The following OPA1 variants were observed in gnomAD, a reference collection of about 807,000 sequenced individuals.
OPA1 encodes the protein OPA1 mitochondrial dynamin like GTPase, also known as dynamin-like GTPase OPA1, mitochondrial.
OPA1 carries 59 observed loss-of-function variants against 152.9 expected under a neutral mutation model. That is an observed-to-expected ratio of 0.39 (90% CI 0.31 to 0.48). The LOEUF is 0.48. OPA1 is among the 20% of genes least tolerant of loss of function. The pLI is 0.96. For synonymous variants in OPA1, 400 were observed against 389.9 expected, an observed-to-expected ratio of 1.03 and a Z score of -0.31; for missense variants, 1,008 against 1,216.8, an observed-to-expected ratio of 0.83 and a Z score of 2.55.
chr3:193,606,766 C>A (rs1055943847), intron 1 of OPA1, among the ~76,000 whole-genome samples: 11 of 152,128 alleles, frequency 7.2e-5, no homozygotes, highest in Non-Finnish European at 1.5e-4. Flanking sequence ...ATTTATAATC[C>A]TTTGGGTATA....
chr3:193,658,888 G>T lies in OPA1; in HGVS notation c.2333G>T (p.Arg778Met). 6.2e-7 allele frequency: 1 copy of T among 1,609,208 alleles called. No homozygotes were observed. The highest frequency in any genetic ancestry group is 8.5e-7 in the Non-Finnish European group (1 of 1,175,660). ...KWNDFAEDSLRVIQHNALEDR... is the reference protein window; with the variant it reads ...KWNDFAEDSLMVIQHNALEDR... ...TTTTTCTCTTCTTGTTATTTTCAGA[G>T]GGTTATTCAACACAATGCTTTGGAA... The change falls in exon 24 of 31, where the codon AGG (arginine) becomes ATG (methionine). Residue 778 changes from arginine (R) to methionine (M), a missense_variant and splice_region_variant. Transcript: ENST00000361510.
chr3:193,629,309 G>T (rs778471870), intron 7 of OPA1, among the ~76,000 whole-genome samples: 37 of 152,170 alleles, frequency 2.4e-4, no homozygotes, highest in Non-Finnish European at 5.3e-4. Context: ...GTTATTCATT[G>T]TACCAGAAAG....
intron 29 of OPA1, among the ~76,000 whole-genome samples, chr3:193,683,346 G>A (rs1054743150): frequency 2.0e-5 from 3 of 150,844 alleles, no homozygotes; most frequent in Admixed American, 6.6e-5. Context: ...TGGTGAAGAT[G>A]CTGTGAACAT....
At chr3:193,689,286 C>T (rs529463628) in intron 29 of OPA1, 1 of 152,276 alleles carries the variant, frequency 6.6e-6, no homozygotes, top group African/African-American at 2.4e-5. Context: ...CATAATTGCT[C>T]TTTTAACACT....
intron 13 of OPA1, 34 bp from the exon 14 acceptor site, chr3:193,643,339 T>A: frequency 6.5e-7 from 1 of 1,530,476 alleles, no homozygotes. Flanking sequence ...CCCCCAAACT[T>A]TAGCATTGTT....
At chr3:193,623,128 T>C (rs1202949978) in intron 6 of OPA1, among the ~76,000 whole-genome samples, 2 of 152,186 alleles carry the variant, frequency 1.3e-5, no homozygotes, top group African/African-American at 4.8e-5. Context: ...GACCCTTGGC[T>C]TCATAGATGA....
intron 6 of OPA1, among the ~76,000 whole-genome samples, chr3:193,619,322 T>C (rs1729620406): frequency 6.6e-6 from 1 of 152,222 alleles, no homozygotes; most frequent in East Asian, 1.9e-4. Context: ...AAGCATACAG[T>C]GTTTTCCCAA....
intron 7 of OPA1, among the ~76,000 whole-genome samples, chr3:193,628,082 C>T (rs538279897): frequency 3.9e-5 from 6 of 152,192 alleles, no homozygotes; most frequent in South Asian, 2.1e-4. Context: ...GATGACTTTT[C>T]GGTTCTTCAC....
chr3:193,695,920 A>C lies in OPA1; in HGVS notation c.*1320A>C, dbSNP rs558393107. 8.5e-5 allele frequency: 13 copies of C among 152,334 alleles called. No homozygotes were observed. The highest frequency in any genetic ancestry group is 8.5e-4 in the Admixed American group (13 of 15,304). 9.4% of individuals were successfully genotyped at this position (152,334 alleles called of 1,614,324 possible). Reference sequence around the variant, plus strand: ...TATGCTCGGTTGAGGATATGAAAAAATACTTCCGAAACCAGGAATTCAATG... The same window carrying C: ...TATGCTCGGTTGAGGATATGAAAAACTACTTCCGAAACCAGGAATTCAATG... On this transcript the variant is annotated 3_prime_UTR_variant, in exon 31 of 31. Transcript: ENST00000361510.
chr3:193,614,771 T>A lies in OPA1; in HGVS notation c.81T>A (p.Ser27Arg). The A allele has an allele frequency of 1.9e-6, 3 of 1,614,110 alleles. No homozygotes were observed. Among genetic ancestry groups the A allele is most frequent in the Non-Finnish European group, 2.5e-6 (3 of 1,179,956 alleles). The change falls in exon 2 of 31, where the codon AGT becomes AGA. Residue 27 changes from serine to arginine, a missense_variant. Physicochemically the swap from Ser to Arg is moderately radical, Grantham distance 110 (BLOSUM62 -1). Transcript: ENST00000361510. ...LVKHSSGIKG[S>R]LPLQKLHLVS... ...AACACAGCTCTGGAATAAAAGGAAG[T>A]TTACCACTACAAAAACTACATCTGG...
intron 11 of OPA1, among the ~76,000 whole-genome samples, chr3:193,642,111 G>A (rs1733865565): frequency 6.6e-6 from 1 of 152,198 alleles, no homozygotes; most frequent in African/African-American, 2.4e-5. Context: ...ATGAGACTCG[G>A]TCTCAAAACA....
At chr3:193,693,978 A>C (rs971759214) in intron 30 of OPA1, among the ~76,000 whole-genome samples, 1 of 152,144 alleles carries the variant, frequency 6.6e-6, no homozygotes, top group Non-Finnish European at 1.5e-5. Context: ...TTAAAAAGAC[A>C]AGCTGTATTT....
chr3:193,649,193 G>C (rs1247609228), intron 21 of OPA1, among the ~76,000 whole-genome samples: 1 of 151,984 alleles, frequency 6.6e-6, no homozygotes, highest in Non-Finnish European at 1.5e-5. Context: ...TGTCAAAATT[G>C]ATTTATAAAG....
Position 193,635,601 on chromosome 3 carries a change from G to T in OPA1, c.948+79G>T, listed in dbSNP as rs150017313. ...GTTCATCAGTACCAGTTTCTAAGGA[G>T]CTGTAAAGTATTCTGTCATCCTTTT... is the stretch of plus-strand genomic sequence containing the variant. On this transcript the variant is annotated intron_variant, in intron 9 of 30. Transcript: ENST00000361510. The T allele has an allele frequency of 1.5e-3, 1,237 of 834,860 alleles. 11 individuals are homozygous for T. The highest frequency in any genetic ancestry group is 7.0e-3 in the South Asian group (522 of 74,090). The allele number at this position is 834,860 out of a possible 1,614,324, so 51.7% of individuals were successfully genotyped here. A position where few individuals can be genotyped will look rare whatever the true frequency, so the allele number is the denominator to read the frequency against.
In OPA1 at chr3:193,697,249, G is replaced by C. The variant is rs1339665678; in HGVS notation, c.*2649G>C. 2 of 152,192 alleles carry C rather than the reference G, an allele frequency of 1.3e-5. No homozygotes were observed. Among genetic ancestry groups the C allele is most frequent in the Admixed American group, 6.5e-5 (1 of 15,288 alleles). 9.4% of individuals were successfully genotyped at this position (152,192 alleles called of 1,614,324 possible). A position where few individuals can be genotyped will look rare whatever the true frequency, so the allele number is the denominator to read the frequency against. On this transcript the variant is annotated 3_prime_UTR_variant, in exon 31 of 31. Transcript: ENST00000361510. Reference sequence around the variant, plus strand: ...TTGCTTTCCAATAAAGGGGATCAAAGTAATGGTTTTTCTCTCAGTTCTCTA... The same window carrying C: ...TTGCTTTCCAATAAAGGGGATCAAACTAATGGTTTTTCTCTCAGTTCTCTA...
At chr3:193,656,447 T>G (rs956023995) in intron 22 of OPA1, among the ~76,000 whole-genome samples, 1 of 152,254 alleles carries the variant, frequency 6.6e-6, no homozygotes, top group African/African-American at 2.4e-5. Context: ...CACTGTGCTC[T>G]TCCTTTCACC....
chr3:193,610,706 T>A (rs1266356840), intron 1 of OPA1, among the ~76,000 whole-genome samples: 1 of 152,206 alleles, frequency 6.6e-6, no homozygotes, highest in Non-Finnish European at 1.5e-5. Flanking sequence ...TCCCAGCTGC[T>A]TTTTTTACCT....
At chr3:193,660,619 A>G (rs915419285) in intron 25 of OPA1, among the ~76,000 whole-genome samples, 4 of 152,068 alleles carry the variant, frequency 2.6e-5, no homozygotes, top group Non-Finnish European at 5.9e-5. Context: ...TTCTTGTTTC[A>G]TAAGTTCTCT....
intron 29 of OPA1, among the ~76,000 whole-genome samples, chr3:193,688,463 T>C (rs1710035489): frequency 3.4e-5 from 1 of 29,468 alleles, no homozygotes; most frequent in Non-Finnish European, 6.4e-5. Flanking sequence ...TTTTTTTTTT[T>C]TTTTTTTTTT....
Sources: allele counts gnomAD v4.1 joint callset (sites outside exome capture counted in the v4.1 genomes callset), GRCh38; gene constraint gnomAD v4.1.1; transcripts MANE v1.5; gene names NCBI Gene and HGNC (gene_info 2026-07-23, HGNC 2026-07-21).